The following TCF4 variants were observed in gnomAD, a reference collection of about 807,000 sequenced individuals.
TCF4 encodes the protein SL3-3 enhancer factor 2.
In TCF4, 3 loss-of-function variants were observed where a neutral mutation model predicts 82.1. The observed-to-expected ratio is 0.04, with a 90% CI of 0.02 to 0.09. The LOEUF is 0.09. Ranked by LOEUF, TCF4 falls within the 10% of genes least tolerant of loss-of-function variation. TCF4 has a pLI of 1.00. For synonymous variants in TCF4, 276 were observed against 309.6 expected, an observed-to-expected ratio of 0.89 and a Z score of 1.14; for missense variants, 518 against 852.7, an observed-to-expected ratio of 0.61 and a Z score of 4.89.
intron 15 of TCF4, among the ~76,000 whole-genome samples, chr18:55,248,254 G>A (rs2053922054): frequency 6.6e-6 from 1 of 152,104 alleles, no homozygotes; most frequent in African/African-American, 2.4e-5. Flanking sequence ...CACTAGAGAA[G>A]GCAAATATCC....
intron 8 of TCF4, among the ~76,000 whole-genome samples, chr18:55,349,033 T>C (rs1396884628): frequency 2.0e-5 from 3 of 152,140 alleles, no homozygotes; most frequent in African/African-American, 7.2e-5. Flanking sequence ...GCTTATAAAA[T>C]CCTTTGGGCA....
chr18:55,598,702 A>G (rs1320563318), intron 2 of TCF4, among the ~76,000 whole-genome samples: 1 of 152,254 alleles, frequency 6.6e-6, no homozygotes, highest in African/African-American at 2.4e-5. Context: ...AATGCTGTGT[A>G]TAGATTAGCA....
intron 5 of TCF4, among the ~76,000 whole-genome samples, chr18:55,418,746 G>T (rs767558710): frequency 2.0e-5 from 3 of 152,140 alleles, no homozygotes; most frequent in Admixed American, 6.5e-5. Context: ...ATTTTGTCAT[G>T]CCATACTTGA....
At chr18:55,300,099 T>TAC (rs372975426) in intron 8 of TCF4, among the ~76,000 whole-genome samples, 12,832 of 147,952 alleles carry the variant, frequency 0.087, 942 homozygotes, top group African/African-American at 0.21. Flanking sequence ...CATACAGATA[T>TAC]ACACACACAC....
rs553489380 is a variant in TCF4, at chr18:55,222,665, C to A, written c.*5370G>T. The A allele has an allele frequency of 6.5e-6, 1 of 152,714 alleles. No individual in the cohort carries two copies. The highest frequency in any genetic ancestry group is 1.9e-4 in the East Asian group (1 of 5,184). 9.5% of individuals were successfully genotyped at this position (152,714 alleles called of 1,614,324 possible). On this transcript the variant is annotated 3_prime_UTR_variant, in exon 20 of 20. Coordinates refer to ENST00000354452, the MANE Select transcript of TCF4 (RefSeq NM_001083962.2). ...ATTCTGTTATGAAGCGCTCAGCTAC[C>A]GCGGGCTTTCCTTTACATTGCATAC...
At chr18:55,571,251 C>T (rs1277675324) in intron 3 of TCF4, among the ~76,000 whole-genome samples, 4 of 152,298 alleles carry the variant, frequency 2.6e-5, no homozygotes, top group Admixed American at 6.5e-5. Context: ...CCACATGCAA[C>T]AACATGGACA....
upstream of TCF4, chr18:55,589,929 G>C: frequency 1.4e-6 from 1 of 697,614 alleles, no homozygotes; most frequent in Non-Finnish European, 1.8e-6. Flanking sequence ...TGGCGGTGCT[G>C]GTCGACCACG....
At position 55,372,690 on chromosome 18, in the gene TCF4, T is replaced by G. The variant is rs1466215651; in HGVS notation, c.370-21687A>C. Reference sequence around the variant, plus strand: ...CCAGAACAACATGGTCCACAAAAATTAGCAAGATGGGGCAAGGAAACGCTA... The same window carrying G: ...CCAGAACAACATGGTCCACAAAAATGAGCAAGATGGGGCAAGGAAACGCTA... On this transcript the variant is annotated intron_variant, in intron 6 of 19. Transcript: ENST00000354452. Among the ~76,000 whole-genome samples, 3 of 152,052 alleles carry G rather than the reference T, an allele frequency of 2.0e-5. No homozygotes were observed. The East Asian group carries it at 5.8e-4, about 29-fold the overall frequency.
intron 3 of TCF4, among the ~76,000 whole-genome samples, chr18:55,575,875 G>C (rs2097524185): frequency 6.6e-6 from 1 of 152,106 alleles, no homozygotes; most frequent in African/African-American, 2.4e-5. Context: ...ATTAGTTTTT[G>C]CTAAGATCAC....
intron 17 of TCF4, chr18:55,231,696 GT>G (rs749050834): frequency 1.3e-5 from 2 of 152,222 alleles, no homozygotes; most frequent in Non-Finnish European, 2.9e-5. Flanking sequence ...TTTTAAACTT[GT>G]GGCAAGACAC....
intron 7 of TCF4, among the ~76,000 whole-genome samples, 184 bp from the exon 8 acceptor site, chr18:55,350,592 G>A (rs1680930427): frequency 6.6e-6 from 1 of 152,092 alleles, no homozygotes; most frequent in Non-Finnish European, 1.5e-5. Flanking sequence ...TAAAAATGAA[G>A]ATATTTAACT....
At position 55,259,986 on chromosome 18, in the gene TCF4, G is replaced by A. The variant is rs372738049; in HGVS notation, c.1032C>T (p.Asn344=). ...GAGGAGAGCCAACAGGAGTTGAAGG[G>A]TTTGATGAAAAGCTGTTGTTAGTGT... ...PDHTNNSFSS[N]PSTPVGSPPS... is the part of the protein sequence containing the mutation. Residue 344 remains asparagine, a synonymous_variant, in exon 13 of 20, where the codon AAC becomes AAT. Transcript: ENST00000354452. 3.7e-6 allele frequency: 6 copies of A among 1,613,262 alleles called. No individual in the cohort carries two copies. In the African/African-American group the frequency reaches 4.0e-5, roughly 11 times the overall value.
At position 55,583,369 on chromosome 18, in the gene TCF4, GTGT is replaced by G. The variant is rs548044056; in HGVS notation, c.145+1908_145+1910del. Reference sequence around the variant, plus strand: ...TATGTGTGTATGTGTGTATGTGTGTGTGTTATTGTCTTCAGAACTGTGTAAGTG... The same window carrying G: ...TATGTGTGTATGTGTGTATGTGTGTGTATTGTCTTCAGAACTGTGTAAGTG... On this transcript the variant is annotated intron_variant, in intron 3 of 19. Transcript: ENST00000354452. Among the ~76,000 whole-genome samples, 294 of 152,206 alleles carry G rather than the reference GTGT, an allele frequency of 1.9e-3. 2 individuals carry two copies. The highest frequency in any genetic ancestry group is 5.8e-3 in the African/African-American group (242 of 41,538).
At position 55,325,554 on chromosome 18, in the gene TCF4, T is replaced by C. The variant is rs371454712; in HGVS notation, c.549+24805A>G. On this transcript the variant is annotated intron_variant, in intron 8 of 19. Coordinates refer to ENST00000354452, the MANE Select transcript of TCF4 (RefSeq NM_001083962.2). ...AGTGTAAGGCAGGCAACTCAACAAA[T>C]AGAAGCTGAATAAATGAATGAATGA... Among the ~76,000 whole-genome samples the C allele has an allele frequency of 2.6e-5, 4 of 152,090 alleles. No individual in the cohort carries two copies. In the South Asian group the frequency reaches 6.2e-4, roughly 24 times the overall value.
intron 5 of TCF4, among the ~76,000 whole-genome samples, chr18:55,434,984 T>C (rs2095298739): frequency 6.6e-6 from 1 of 152,168 alleles, no homozygotes; most frequent in Non-Finnish European, 1.5e-5. Context: ...ATTAAATTAT[T>C]ATTGATTATA....
At chr18:55,585,572 A>G in intron 2 of TCF4, 1 of 620,196 alleles carries the variant, frequency 1.6e-6, no homozygotes, top group South Asian at 2.0e-5. Context: ...CCTCAGGTTC[A>G]TTAGATGGCC....
At chr18:55,500,688 A>G (rs2096688461) in intron 3 of TCF4, among the ~76,000 whole-genome samples, 1 of 152,178 alleles carries the variant, frequency 6.6e-6, no homozygotes, top group Admixed American at 6.5e-5. Context: ...AAATAAGGGA[A>G]AACTTTCTCT....
chr18:55,286,223 A>G (rs952300756), intron 8 of TCF4, among the ~76,000 whole-genome samples: 2 of 150,936 alleles, frequency 1.3e-5, no homozygotes, highest in Admixed American at 6.6e-5. Flanking sequence ...TACAATACTG[A>G]TAATTGTAAT....
chr18:55,496,822 T>C (rs1375984713), intron 3 of TCF4, among the ~76,000 whole-genome samples: 4 of 150,412 alleles, frequency 2.7e-5, no homozygotes, highest in Non-Finnish European at 4.4e-5. Context: ...GATCCATCAA[T>C]TGCTGAAACA....
Sources: gnomAD v4.1 joint callset for allele counts (sites outside exome capture counted in the v4.1 genomes callset) on GRCh38, gnomAD v4.1.1 for gene constraint, MANE v1.5 for transcripts, NCBI Gene and HGNC (gene_info 2026-07-23, HGNC 2026-07-21) for gene names.